PEAK1: variants seen among roughly 807,000 people sequenced by gnomAD.
PEAK1 encodes inactive tyrosine-protein kinase PEAK1.
Under a neutral mutation model 124.7 loss-of-function variants are expected in PEAK1, and 54 were observed. The observed-to-expected ratio is 0.43, with a 90% confidence interval of 0.35 to 0.54. The LOEUF is 0.54. PEAK1 is among the 20% of genes least tolerant of loss of function. The probability of loss-of-function intolerance (pLI) is 0.01; values close to 1 mark genes in which losing one functional copy is unlikely to be tolerated. For missense variants in PEAK1, 2,046 were observed against 2,134.5 expected (o/e 0.96, Z 0.82); for synonymous variants, 719 against 760.0 (o/e 0.95, Z 0.89).
chr15:77,262,659 C>CTTTTTTTTTTTTTTTTTTTTTTTT (rs2061502223), intron 5 of PEAK1, among the ~76,000 whole-genome samples: 1 of 147,708 alleles, frequency 6.8e-6, no homozygotes, highest in African/African-American at 2.5e-5. Flanking sequence ...TAATGGGACA[C>CTTTTTTTTTTTTTTTTTTTTTTTT]TTTAACACCC....
intron 2 of PEAK1, among the ~76,000 whole-genome samples, chr15:77,360,268 G>A (rs1349211914): frequency 6.6e-6 from 1 of 152,032 alleles, no homozygotes; most frequent in Non-Finnish European, 1.5e-5. Flanking sequence ...AAAAATAAGA[G>A]GTGAAACAAT....
At chr15:77,408,308 C>T (rs115270300) in intron 1 of PEAK1, among the ~76,000 whole-genome samples, 2 of 139,538 alleles carry the variant, frequency 1.4e-5, no homozygotes, top group Admixed American at 1.5e-4. Flanking sequence ...TGAGAACTTA[C>T]AAGTTTTCAC....
chr15:77,186,781 A>G (rs2057570732), intron 6 of PEAK1, among the ~76,000 whole-genome samples: 1 of 152,216 alleles, frequency 6.6e-6, no homozygotes, highest in Admixed American at 6.5e-5. Flanking sequence ...ACTTAAAGAC[A>G]CTGTCAAAAC....
intron 6 of PEAK1, among the ~76,000 whole-genome samples, chr15:77,220,015 C>T (rs558694789): frequency 1.3e-5 from 2 of 152,036 alleles, no homozygotes; most frequent in Non-Finnish European, 2.9e-5. Context: ...CATTTCCTCC[C>T]TCTTCCACAA....
At chr15:77,357,219 G>A (rs564220807) in intron 2 of PEAK1, among the ~76,000 whole-genome samples, 13 of 152,242 alleles carry the variant, frequency 8.5e-5, no homozygotes, top group Non-Finnish European at 1.5e-4. Flanking sequence ...GCAGTGAGCT[G>A]TGATCATGCC....
chr15:77,372,454 T>C (rs2068710383), intron 1 of PEAK1, among the ~76,000 whole-genome samples: 1 of 152,166 alleles, frequency 6.6e-6, no homozygotes, highest in Non-Finnish European at 1.5e-5. Context: ...TTTTATGTCA[T>C]TAAAAAAACT....
intron 1 of PEAK1, 116 bp from the exon 2 acceptor site, chr15:77,365,341 G>T: frequency 4.8e-6 from 1 of 209,206 alleles, no homozygotes; most frequent in Non-Finnish European, 8.3e-6. Flanking sequence ...AAATTTTTAC[G>T]TCCAAGCTGT....
Position 77,115,314 on chromosome 15 carries a change from A to G in PEAK1, c.4083T>C (p.Cys1361=). The stretch of plus-strand genomic sequence containing the variant: ...GCTGAGATTCTTTAGCTTTGCTCTT[A>G]CAGATCTGAAAGATAATAAAACAAT... ...DPLNNYAVKI[C]KSKAKESQQY... The change falls in exon 10 of 10, where the codon TGT becomes TGC. Residue 1361 remains cysteine (C), a synonymous_variant. Transcript: ENST00000682557. 6.2e-7 allele frequency: 1 copy of G among 1,610,756 alleles called. No individual in the cohort carries two copies.
intron 1 of PEAK1, among the ~76,000 whole-genome samples, chr15:77,383,543 C>T (rs2069665936): frequency 6.6e-6 from 1 of 152,184 alleles, no homozygotes; most frequent in African/African-American, 2.4e-5. Flanking sequence ...AGACTGGGGA[C>T]TGCATGACAT....
At chr15:77,407,704 T>C (rs1490974184) in intron 1 of PEAK1, among the ~76,000 whole-genome samples, 2 of 152,112 alleles carry the variant, frequency 1.3e-5, no homozygotes, top group African/African-American at 4.8e-5. Flanking sequence ...TGGAGATTCC[T>C]TAAAGAACTA....
At chr15:77,169,869 A>C (rs913885845) in intron 7 of PEAK1, among the ~76,000 whole-genome samples, 9 of 152,200 alleles carry the variant, frequency 5.9e-5, no homozygotes, top group African/African-American at 2.2e-4. Flanking sequence ...GCCATTTACC[A>C]AGAAGGGAAG....
At chr15:77,197,017 ATT>A (rs35205531) in intron 6 of PEAK1, among the ~76,000 whole-genome samples, 14 of 141,596 alleles carry the variant, frequency 9.9e-5, no homozygotes, top group East Asian at 2.1e-4. Flanking sequence ...TGCCTGGCTA[ATT>A]TTTTTTTTTT....
intron 6 of PEAK1, among the ~76,000 whole-genome samples, chr15:77,214,662 C>T (rs2059066665): frequency 6.6e-6 from 1 of 151,472 alleles, no homozygotes; most frequent in African/African-American, 2.4e-5. Flanking sequence ...GTTTAATTGG[C>T]TTATAGTTCT....
At chr15:77,403,255 C>G in intron 1 of PEAK1, 2 of 985,216 alleles carry the variant, frequency 2.0e-6, no homozygotes, top group Non-Finnish European at 2.4e-6. Flanking sequence ...TCTCCCAATA[C>G]CAACAACAAG....
intron 8 of PEAK1, among the ~76,000 whole-genome samples, chr15:77,148,024 T>C (rs940802059): frequency 3.9e-5 from 6 of 152,248 alleles, no homozygotes; most frequent in African/African-American, 1.2e-4. Flanking sequence ...TAGTGGTGAC[T>C]GTATTGAATA....
chr15:77,400,500 A>G lies in PEAK1; in HGVS notation c.-666+19506T>C, dbSNP rs1236512315. Among the ~76,000 whole-genome samples the G allele has an allele frequency of 2.0e-5, 3 of 152,094 alleles. No individual in the cohort carries two copies. The East Asian group carries it at 5.8e-4, about 29-fold the overall frequency. On this transcript the variant is annotated intron_variant, in intron 1 of 9. Coordinates refer to ENST00000682557, the MANE Select transcript of PEAK1 (RefSeq NM_001385026.1). ...CCATAAAAAAGAATGAGATCTTGACATATGCAACAACATGGATGGAAATGG... is the reference window on the plus strand; with the variant it reads ...CCATAAAAAAGAATGAGATCTTGACGTATGCAACAACATGGATGGAAATGG...
At chr15:77,135,354 G>C (rs376335581) in intron 8 of PEAK1, among the ~76,000 whole-genome samples, 1 of 152,194 alleles carries the variant, frequency 6.6e-6, no homozygotes, top group Non-Finnish European at 1.5e-5. Context: ...GATTGTAATA[G>C]TAAGTGTTGC....
intron 7 of PEAK1, among the ~76,000 whole-genome samples, chr15:77,174,968 C>CT (rs1398742898): frequency 6.6e-6 from 1 of 151,512 alleles, no homozygotes; most frequent in East Asian, 1.9e-4. Context: ...ACTATCTGAT[C>CT]TTTGACAAAC....
chr15:77,171,514 C>T (rs886431764), intron 7 of PEAK1, among the ~76,000 whole-genome samples: 4 of 151,396 alleles, frequency 2.6e-5, no homozygotes, highest in Admixed American at 1.3e-4. Context: ...AGAGAGAATA[C>T]GATAGGCTGG....
Sources: gnomAD v4.1 joint callset for allele counts (sites outside exome capture counted in the v4.1 genomes callset) on GRCh38, gnomAD v4.1.1 for gene constraint, MANE v1.5 for transcripts, NCBI Gene and HGNC (gene_info 2026-07-23, HGNC 2026-07-21) for gene names.